GTF2H5: variants seen among roughly 807,000 people sequenced by gnomAD.
The protein encoded by GTF2H5 is general transcription factor IIH subunit 5.
GTF2H5 carries 5 observed loss-of-function variants against 7.1 expected under a neutral mutation model. That is an observed-to-expected ratio of 0.71 (90% CI 0.37 to 1.49). The LOEUF is 1.49. GTF2H5 is among the 40% of genes most tolerant of loss of function. The probability of loss-of-function intolerance (pLI) is 0.03; values close to 1 mark genes in which losing one functional copy is unlikely to be tolerated. For synonymous variants in GTF2H5, 30 were observed against 31.7 expected, an observed-to-expected ratio of 0.95 and a Z score of 0.18; for missense variants, 80 against 83.0, an observed-to-expected ratio of 0.96 and a Z score of 0.14.
rs1169703362 is a variant in GTF2H5, at chr6:158,193,845, C to A, written c.*1688C>A. On this transcript the variant is annotated 3_prime_UTR_variant, in exon 3 of 3. Transcript: ENST00000607778. ...TCTATTAAAAATACAAAAAATTAGCCGGGCCTGGTGGCGGGTGCCTGTAGT... is the reference window on the plus strand; with the variant it reads ...TCTATTAAAAATACAAAAAATTAGCAGGGCCTGGTGGCGGGTGCCTGTAGT... 2 of 151,980 alleles carry A rather than the reference C, an allele frequency of 1.3e-5. No homozygotes were observed. The highest frequency in any genetic ancestry group is 4.8e-5 in the African/African-American group (2 of 41,394). 9.4% of individuals were successfully genotyped at this position (151,980 alleles called of 1,614,324 possible).
intron 2 of GTF2H5, among the ~76,000 whole-genome samples, chr6:158,191,613 G>A (rs1777027694): frequency 6.6e-6 from 1 of 151,922 alleles, no homozygotes; most frequent in African/African-American, 2.4e-5. Flanking sequence ...CTCCCAAGTA[G>A]CTGGGACTAC....
At chr6:158,190,804 A>C (rs905012486) in intron 2 of GTF2H5, 5 of 386,340 alleles carry the variant, frequency 1.3e-5, no homozygotes, top group African/African-American at 4.2e-5. Flanking sequence ...GAATTGCAAA[A>C]ATCTGTGGTG....
chr6:158,183,381 A>G (rs571889336), intron 2 of GTF2H5, among the ~76,000 whole-genome samples: 4 of 152,258 alleles, frequency 2.6e-5, no homozygotes, highest in South Asian at 2.1e-4. Context: ...TCGGAGCTCA[A>G]ATGCCATGCT....
chr6:158,183,808 A>G (rs972880347), intron 2 of GTF2H5, among the ~76,000 whole-genome samples: 1 of 152,200 alleles, frequency 6.6e-6, no homozygotes, highest in African/African-American at 2.4e-5. Flanking sequence ...ATAGTCACTC[A>G]TAGCTTCCCT....
At chr6:158,175,044 G>GTGTATATA in intron 2 of GTF2H5, among the ~76,000 whole-genome samples, 80 of 142,852 alleles carry the variant, frequency 5.6e-4, no homozygotes, top group African/African-American at 1.9e-3. Context: ...GTGTGTGTGT[G>GTGTATATA]TATACACACA....
chr6:158,169,425 A>T (rs979851512), intron 1 of GTF2H5, among the ~76,000 whole-genome samples: 1,954 of 72,794 alleles, frequency 0.027, 256 homozygotes, highest in African/African-American at 0.12. Context: ...ATTATATATA[A>T]TATATTGTAT....
intron 2 of GTF2H5, among the ~76,000 whole-genome samples, chr6:158,172,644 A>G (rs760000087): frequency 5.9e-5 from 9 of 152,016 alleles, no homozygotes; most frequent in Non-Finnish European, 1.2e-4. Context: ...ATTTTGCCAA[A>G]TATCTAGTTC....
intron 2 of GTF2H5, among the ~76,000 whole-genome samples, chr6:158,181,946 A>T (rs1211148786): frequency 1.3e-5 from 2 of 152,148 alleles, no homozygotes; most frequent in African/African-American, 4.8e-5. Context: ...TCGCCCATTA[A>T]TTGAGGCAGT....
At chr6:158,169,614 T>C (rs1785771166) in intron 1 of GTF2H5, among the ~76,000 whole-genome samples, 1 of 90,082 alleles carries the variant, frequency 1.1e-5, no homozygotes, top group South Asian at 3.0e-4. Flanking sequence ...ATATTGTATA[T>C]TACATATAAT....
Position 158,195,316 on chromosome 6 carries a change from G to A in GTF2H5, c.*3159G>A, listed in dbSNP as rs1412475485. 6.6e-6 allele frequency: 1 copy of A among 152,108 alleles called. No individual in the cohort carries two copies. The highest frequency in any genetic ancestry group is 1.5e-5 in the Non-Finnish European group (1 of 68,032). The allele number at this position is 152,108 out of a possible 1,614,324, so 9.4% of individuals were successfully genotyped here. On this transcript the variant is annotated 3_prime_UTR_variant, in exon 3 of 3. Transcript: ENST00000607778. ...TCTCTTAATAGAACTATGGACTGAA[G>A]TTGTGATATTGAGTGTTATATTTCT...
intron 2 of GTF2H5, among the ~76,000 whole-genome samples, chr6:158,174,048 G>C (rs1261420568): frequency 6.6e-6 from 1 of 152,118 alleles, no homozygotes; most frequent in Non-Finnish European, 1.5e-5. Context: ...TATGATAGTG[G>C]TGAAGGTTGC....
chr6:158,168,807 G>T (rs578226865), intron 1 of GTF2H5, among the ~76,000 whole-genome samples: 1 of 152,328 alleles, frequency 6.6e-6, no homozygotes, highest in African/African-American at 2.4e-5. Flanking sequence ...TGTAAAATGA[G>T]GTGGCTGAGG....
intron 2 of GTF2H5, among the ~76,000 whole-genome samples, chr6:158,177,198 A>G (rs1451398902): frequency 3.3e-5 from 5 of 152,338 alleles, no homozygotes; most frequent in African/African-American, 4.8e-5. Context: ...ATCCTCTCAC[A>G]TGGTCTTGGC....
intron 2 of GTF2H5, among the ~76,000 whole-genome samples, chr6:158,172,994 C>CTTCAGG (rs1430951571): frequency 1.3e-5 from 2 of 152,184 alleles, no homozygotes; most frequent in African/African-American, 4.8e-5. Flanking sequence ...TCACCTTGCA[C>CTTCAGG]TTCAGGGTAA....
At chr6:158,189,510 G>C (rs1182498753) in intron 2 of GTF2H5, among the ~76,000 whole-genome samples, 1 of 152,050 alleles carries the variant, frequency 6.6e-6, no homozygotes, top group Non-Finnish European at 1.5e-5. Context: ...CATTCACATA[G>C]TTGTAGCTAG....
intron 2 of GTF2H5, among the ~76,000 whole-genome samples, chr6:158,182,802 T>C (rs1412518812): frequency 6.6e-6 from 1 of 152,082 alleles, no homozygotes; most frequent in Non-Finnish European, 1.5e-5. Flanking sequence ...GTTTTTAGCT[T>C]CCTTGCGATG....
At chr6:158,180,832 ATTTTTTTT>A (rs143921455) in intron 2 of GTF2H5, among the ~76,000 whole-genome samples, 1 of 137,798 alleles carries the variant, frequency 7.3e-6, no homozygotes, top group East Asian at 2.1e-4. Flanking sequence ...GGATTCATTG[ATTTTTTTT>A]TTTTTTGAAG....
At chr6:158,173,019 G>A (rs1033232540) in intron 2 of GTF2H5, among the ~76,000 whole-genome samples, 2 of 152,120 alleles carry the variant, frequency 1.3e-5, no homozygotes, top group Non-Finnish European at 2.9e-5. Flanking sequence ...CAGACTAGCA[G>A]TAATAGCATC....
rs1031164185 is a variant in GTF2H5 at position 158,197,815 on chromosome 6, T to C, written c.*5658T>C. The C allele has an allele frequency of 6.6e-6, 1 of 152,114 alleles. No homozygotes were observed. Among genetic ancestry groups the C allele is most frequent in the African/African-American group, 2.4e-5 (1 of 41,402 alleles). 9.4% of individuals were successfully genotyped at this position (152,114 alleles called of 1,614,324 possible). ...CAGTCCTGATTTGGCTCCTTCTGAC[T>C]TCTTTTTGTTTCCCAATCTTAAAAA... On this transcript the variant is annotated 3_prime_UTR_variant, in exon 3 of 3. Transcript: ENST00000607778.
Sources: allele counts gnomAD v4.1 joint callset (sites outside exome capture counted in the v4.1 genomes callset), GRCh38; gene constraint gnomAD v4.1.1; transcripts MANE v1.5; gene names NCBI Gene and HGNC (gene_info 2026-07-23, HGNC 2026-07-21).